Variants in THRB observed in about 807,000 individuals in gnomAD.
THRB encodes the protein nuclear receptor subfamily 1 group A member 2.
A neutral mutation model predicts 47.8 loss-of-function variants in THRB; 12 were observed. The observed-to-expected ratio is 0.25, with a 90% CI of 0.16 to 0.41. THRB has a LOEUF of 0.41. THRB is among the 10% of genes least tolerant of loss of function. The pLI is 1.00. For synonymous variants in THRB, 218 were observed against 212.2 expected, an observed-to-expected ratio of 1.03 and a Z score of -0.24; for missense variants, 348 against 589.2, an observed-to-expected ratio of 0.59 and a Z score of 4.24.
In THRB at chr3:24,211,356, C is replaced by G. The variant is rs115456442; in HGVS notation, c.22+17582G>C. ...TTGCACCTGGTATTGATCACAATTG[C>G]TTTCCAGCAAGGGGAGAAACAGTAC... On this transcript the variant is annotated intron_variant, in intron 4 of 10. Transcript: ENST00000646209. Among the ~76,000 whole-genome samples, 1,022 of 152,316 alleles carry G rather than the reference C, an allele frequency of 6.7e-3. 20 individuals carry two copies. The highest frequency in any genetic ancestry group is 0.023 in the African/African-American group (967 of 41,570).
chr3:24,216,884 G>A (rs368542617), intron 4 of THRB, among the ~76,000 whole-genome samples: 15 of 151,852 alleles, frequency 9.9e-5, no homozygotes, highest in African/African-American at 2.4e-4. Flanking sequence ...TGCTGAGTTC[G>A]ATGGGCTATT....
In THRB at chr3:24,122,791, C is replaced by T; in HGVS notation, c.*93G>A. The T allele has an allele frequency of 1.9e-6, 3 of 1,579,978 alleles. No individual in the cohort carries two copies. The highest frequency in any genetic ancestry group is 2.2e-5 in the East Asian group (1 of 44,722). ...CCTTTTCCCTCCCAAATAATCCCTC[C>T]CAACACAAAGAAACAAACAAAAAAG... On this transcript the variant is annotated 3_prime_UTR_variant, in exon 11 of 11. Coordinates refer to ENST00000646209, the MANE Select transcript of THRB (RefSeq NM_001354712.2).
At chr3:24,207,844 A>C (rs2045564152) in intron 4 of THRB, among the ~76,000 whole-genome samples, 1 of 152,218 alleles carries the variant, frequency 6.6e-6, no homozygotes, top group Non-Finnish European at 1.5e-5. Context: ...AGTTCTGGCC[A>C]GGGCAATCAG....
chr3:24,190,369 T>G, intron 4 of THRB, 35 bp from the exon 5 acceptor site: 1 of 1,613,870 alleles, frequency 6.2e-7, no homozygotes, highest in Non-Finnish European at 8.5e-7. Flanking sequence ...GACGAGCTGT[T>G]GGCATTGTCA....
intron 3 of THRB, among the ~76,000 whole-genome samples, chr3:24,249,830 G>T (rs2050481653): frequency 6.6e-6 from 1 of 152,166 alleles, no homozygotes; most frequent in African/African-American, 2.4e-5. Context: ...TTCATATTTT[G>T]CTACTTCACT....
intron 1 of THRB, among the ~76,000 whole-genome samples, chr3:24,398,779 G>GT (rs1327008732): frequency 6.6e-6 from 1 of 152,038 alleles, no homozygotes; most frequent in Non-Finnish European, 1.5e-5. Context: ...ACATGCACAC[G>GT]TAAGTTTATT....
chr3:24,474,791 G>A (rs1208577585), intron 1 of THRB, among the ~76,000 whole-genome samples: 4 of 152,148 alleles, frequency 2.6e-5, no homozygotes, highest in Admixed American at 2.6e-4. Flanking sequence ...AAAAGTTCAA[G>A]CCTCAAACAT....
chr3:24,204,863 C>G (rs989032104), intron 4 of THRB, among the ~76,000 whole-genome samples: 1 of 152,198 alleles, frequency 6.6e-6, no homozygotes, highest in African/African-American at 2.4e-5. Context: ...AATTCACAAG[C>G]TTCAGTAGCC....
chr3:24,314,711 C>T (rs563799365), intron 2 of THRB, among the ~76,000 whole-genome samples: 1 of 152,280 alleles, frequency 6.6e-6, no homozygotes, highest in South Asian at 2.1e-4. Context: ...ATTCTTTCAG[C>T]CTTTCTTTGT....
intron 1 of THRB, among the ~76,000 whole-genome samples, chr3:24,344,923 T>G (rs2062913473): frequency 6.6e-6 from 1 of 152,114 alleles, no homozygotes; most frequent in African/African-American, 2.4e-5. Flanking sequence ...GTACTCTGAC[T>G]TTATTCACCA....
chr3:24,144,364 T>C (rs2035830697), intron 7 of THRB: 1 of 152,920 alleles, frequency 6.5e-6, no homozygotes, highest in Admixed American at 6.5e-5. Flanking sequence ...CTTTGGAATC[T>C]AGAAAGACTT....
At chr3:24,149,123 C>G (rs2036527427) in intron 6 of THRB, among the ~76,000 whole-genome samples, 1 of 152,144 alleles carries the variant, frequency 6.6e-6, no homozygotes, top group African/African-American at 2.4e-5. Flanking sequence ...GCAAACCTAG[C>G]TTTTCTCTCT....
chr3:24,424,249 G>T (rs749471229), intron 1 of THRB, among the ~76,000 whole-genome samples: 65 of 151,674 alleles, frequency 4.3e-4, no homozygotes, highest in Non-Finnish European at 8.7e-4. Context: ...CGGACATCAG[G>T]CAACAGGATT....
chr3:24,302,483 A>G (rs1157370207), intron 2 of THRB, among the ~76,000 whole-genome samples: 1 of 152,230 alleles, frequency 6.6e-6, no homozygotes, highest in Non-Finnish European at 1.5e-5. Context: ...TTGTAAATAA[A>G]GTATACCACA....
intron 3 of THRB, among the ~76,000 whole-genome samples, chr3:24,250,323 A>G (rs1333683010): frequency 6.6e-6 from 1 of 152,156 alleles, no homozygotes; most frequent in Non-Finnish European, 1.5e-5. Flanking sequence ...GCAATGTTTC[A>G]GTCTCCATCT....
intron 1 of THRB, among the ~76,000 whole-genome samples, chr3:24,492,256 G>C (rs753189428): frequency 3.9e-5 from 6 of 152,200 alleles, no homozygotes; most frequent in Non-Finnish European, 7.3e-5. Flanking sequence ...AGAGTCCTGT[G>C]CTCATGGATT....
chr3:24,411,227 A>G, intron 1 of THRB, among the ~76,000 whole-genome samples: 1 of 151,966 alleles, frequency 6.6e-6, no homozygotes, highest in Middle Eastern at 3.4e-3. Context: ...TGATTCATAG[A>G]ATGACGGTCT....
At chr3:24,332,054 G>T (rs1053447347) in intron 2 of THRB, among the ~76,000 whole-genome samples, 1 of 152,104 alleles carries the variant, frequency 6.6e-6, no homozygotes, top group Admixed American at 6.5e-5. Flanking sequence ...GGGTGGCAAG[G>T]TACCCAGCCA....
rs2073572384 is a variant in THRB, at chr3:24,460,233, A to G, written c.-261+34419T>C. ...TTATCTATCCGAGATGTATCTTTCT[A>G]AAAATACGAGAAGGTTATTATTTTT... On this transcript the variant is annotated intron_variant, in intron 1 of 10. Transcript: ENST00000646209. 2.0e-5 allele frequency among the ~76,000 whole-genome samples: 3 copies of G among 152,212 alleles called. No individual in the cohort carries two copies. The South Asian group carries it at 6.2e-4, about 32-fold the overall frequency.
Sources: gnomAD v4.1 joint callset for allele counts (sites outside exome capture counted in the v4.1 genomes callset) on GRCh38, gnomAD v4.1.1 for gene constraint, MANE v1.5 for transcripts, NCBI Gene and HGNC (gene_info 2026-07-23, HGNC 2026-07-21) for gene names.